Variants in STAU2 observed in about 807,000 individuals in gnomAD.
The protein encoded by STAU2 is double-stranded RNA-binding protein Staufen homolog 2.
A neutral mutation model predicts 65.9 loss-of-function variants in STAU2; 20 were observed. The ratio of observed to expected loss-of-function variants is 0.30; its 90% CI spans 0.21 to 0.44. STAU2 has a LOEUF of 0.44. Ranked by LOEUF, STAU2 falls within the 20% of genes least tolerant of loss-of-function variation. The probability of loss-of-function intolerance (pLI) is 1.00; values close to 1 mark genes in which losing one functional copy is unlikely to be tolerated. For missense variants in STAU2, 558 were observed against 683.9 expected (o/e 0.82, Z 2.05); for synonymous variants, 232 against 233.9 (o/e 0.99, Z 0.07).
At chr8:73,705,554 C>T (rs995216193) in intron 4 of STAU2, among the ~76,000 whole-genome samples, 1 of 152,068 alleles carries the variant, frequency 6.6e-6, no homozygotes, top group African/African-American at 2.4e-5. Flanking sequence ...AGCCTTCTTT[C>T]GAGATTTGAG....
At chr8:73,693,204 T>A (rs112681665) in intron 4 of STAU2, among the ~76,000 whole-genome samples, 1,942 of 152,142 alleles carry the variant, frequency 0.013, 46 homozygotes, top group African/African-American at 0.044. Context: ...CTGGGTGCGG[T>A]GGCTCACGCC....
intron 4 of STAU2, among the ~76,000 whole-genome samples, chr8:73,690,272 T>G (rs1176791008): frequency 7.2e-6 from 1 of 139,324 alleles, no homozygotes; most frequent in Admixed American, 7.9e-5. Flanking sequence ...GAGCTTGCAG[T>G]GAGCCGAGAT....
At chr8:73,596,550 T>A (rs1811202765) in intron 10 of STAU2, among the ~76,000 whole-genome samples, 1 of 152,186 alleles carries the variant, frequency 6.6e-6, no homozygotes, top group South Asian at 2.1e-4. Context: ...AAATAGTTAA[T>A]CACAACTTTG....
intron 13 of STAU2, among the ~76,000 whole-genome samples, chr8:73,477,594 C>T (rs902875049): frequency 3.9e-5 from 6 of 152,118 alleles, no homozygotes; most frequent in African/African-American, 4.8e-5. Context: ...AAAGGACTGG[C>T]GGCAGGCCTG....
chr8:73,700,473 T>A (rs1164996655), intron 4 of STAU2, among the ~76,000 whole-genome samples: 2 of 151,772 alleles, frequency 1.3e-5, no homozygotes, highest in Non-Finnish European at 2.9e-5. Context: ...TTTAGTAAAG[T>A]TGCAGGATAC....
intron 10 of STAU2, among the ~76,000 whole-genome samples, chr8:73,599,928 C>T (rs531197158): frequency 3.3e-5 from 5 of 152,218 alleles, no homozygotes; most frequent in Admixed American, 2.0e-4. Flanking sequence ...CCACCATGTC[C>T]GGCTAATTTT....
intron 13 of STAU2, chr8:73,440,467 G>C (rs566081414): frequency 1.3e-5 from 2 of 152,292 alleles, no homozygotes; most frequent in East Asian, 3.9e-4. Flanking sequence ...AAAAACCCTA[G>C]CAATCAGCCT....
At chr8:73,572,475 C>T (rs1467449145) in intron 12 of STAU2, among the ~76,000 whole-genome samples, 2 of 152,128 alleles carry the variant, frequency 1.3e-5, no homozygotes. Context: ...AGTATCCCTA[C>T]TGAACATTGA....
chr8:73,641,884 T>G (rs1409870224), intron 6 of STAU2, among the ~76,000 whole-genome samples: 2 of 152,262 alleles, frequency 1.3e-5, no homozygotes, highest in Non-Finnish European at 2.9e-5. Flanking sequence ...GTGGTAATTT[T>G]GTGAAAGCTG....
chr8:73,607,108 C>G (rs1812077476), intron 9 of STAU2, among the ~76,000 whole-genome samples: 1 of 152,124 alleles, frequency 6.6e-6, no homozygotes, highest in Non-Finnish European at 1.5e-5. Flanking sequence ...GAAAACATAT[C>G]AAACAGTGCA....
At chr8:73,539,823 G>A (rs756653033) in intron 13 of STAU2, among the ~76,000 whole-genome samples, 7 of 144,582 alleles carry the variant, frequency 4.8e-5, no homozygotes, top group African/African-American at 7.7e-5. Context: ...AGCCCTGGGC[G>A]ACAGAGTGAA....
intron 3 of STAU2, among the ~76,000 whole-genome samples, chr8:73,731,990 TCA>T (rs1198392616): frequency 3.3e-5 from 5 of 152,168 alleles, no homozygotes; most frequent in Admixed American, 6.5e-5. Flanking sequence ...TTTCTTTTTT[TCA>T]CACAGTTTCT....
chr8:73,724,093 T>C (rs1451246964), intron 3 of STAU2, among the ~76,000 whole-genome samples: 1 of 152,220 alleles, frequency 6.6e-6, no homozygotes, highest in Non-Finnish European at 1.5e-5. Flanking sequence ...CTACTCTCTA[T>C]GTCACATCCT....
chr8:73,741,602 T>C (rs977335021), intron 1 of STAU2, among the ~76,000 whole-genome samples: 1 of 151,650 alleles, frequency 6.6e-6, no homozygotes, highest in Non-Finnish European at 1.5e-5. Flanking sequence ...AACCTCCACC[T>C]ACCAGGCTCA....
chr8:73,449,511 A>G (rs139685533), intron 13 of STAU2, among the ~76,000 whole-genome samples: 15 of 152,302 alleles, frequency 9.8e-5, no homozygotes, highest in African/African-American at 3.4e-4. Flanking sequence ...TAGGGCTTCA[A>G]CGGATGAATT....
chr8:73,434,253 TGGCC>T (rs71561523), intron 13 of STAU2, among the ~76,000 whole-genome samples: 79,208 of 148,666 alleles, frequency 0.53, 22,039 homozygotes, highest in African/African-American at 0.67. Flanking sequence ...GGAATGTGAG[TGGCC>T]GGCCTCTAGA....
intron 13 of STAU2, among the ~76,000 whole-genome samples, chr8:73,473,373 C>T (rs748486361): frequency 5.9e-5 from 9 of 152,222 alleles, no homozygotes; most frequent in Admixed American, 1.3e-4. Flanking sequence ...ATAGGTAAGT[C>T]GAATGATAGA....
Position 73,583,020 on chromosome 8 carries a change from C to T in STAU2, c.1162-190G>A, listed in dbSNP as rs796166091. The stretch of plus-strand genomic sequence containing the variant: ...AAGGGTATCATTTATTCCTTTTCTG[C>T]ACCTAAATCTACTTATGTCCTTCTA... On this transcript the variant is annotated intron_variant, in intron 11 of 14. Transcript: ENST00000524300. Among the ~76,000 whole-genome samples, 5 of 152,116 alleles carry T rather than the reference C, an allele frequency of 3.3e-5. No homozygotes were observed. The South Asian group carries it at 8.3e-4, about 25-fold the overall frequency.
At chr8:73,649,867 T>TTTTATTTA (rs202217646) in intron 6 of STAU2, among the ~76,000 whole-genome samples, 1 of 53,556 alleles carries the variant, frequency 1.9e-5, no homozygotes, top group Non-Finnish European at 3.5e-5. Context: ...TTCTATATAA[T>TTTTATTTA]TTTATATATA....
Sources: gnomAD v4.1 joint callset for allele counts (sites outside exome capture counted in the v4.1 genomes callset) on GRCh38, gnomAD v4.1.1 for gene constraint, MANE v1.5 for transcripts, NCBI Gene and HGNC (gene_info 2026-07-23, HGNC 2026-07-21) for gene names.